The following CWC27 variants were observed in gnomAD, a reference collection of about 807,000 sequenced individuals.
CWC27 encodes CWC27 spliceosome associated cyclophilin, also known as spliceosome-associated protein CWC27 homolog.
CWC27 carries 47 observed loss-of-function variants against 63.6 expected under a neutral mutation model. The ratio of observed to expected loss-of-function variants is 0.74; its 90% CI spans 0.58 to 0.94. CWC27 has a LOEUF of 0.94. CWC27 is among the 40% of genes least tolerant of loss of function. The probability of loss-of-function intolerance (pLI) is 0.00; values close to 1 mark genes in which losing one functional copy is unlikely to be tolerated. For synonymous variants in CWC27, 175 were observed against 179.8 expected (o/e 0.97, Z 0.22); for missense variants, 495 against 554.3 (o/e 0.89, Z 1.07).
intron 11 of CWC27, among the ~76,000 whole-genome samples, chr5:64,959,257 C>CT (rs1237704357): frequency 6.6e-6 from 1 of 152,112 alleles, no homozygotes. Context: ...ACCTTAACAA[C>CT]TTTCAAGTAT....
intron 12 of CWC27, among the ~76,000 whole-genome samples, chr5:64,973,767 A>T (rs567962323): frequency 4.2e-4 from 64 of 152,308 alleles, no homozygotes; most frequent in Admixed American, 1.2e-3. Flanking sequence ...GTAGCTCATT[A>T]ATTGGCTTAA....
rs1301516057 is a variant in CWC27, at chr5:64,783,829, A to G, written c.253-7A>G. On this transcript the variant is annotated splice_polypyrimidine_tract_variant and splice_region_variant and intron_variant, in intron 3 of 13. Coordinates refer to ENST00000381070, the MANE Select transcript of CWC27 (RefSeq NM_005869.4). Reference sequence around the variant, plus strand: ...GAGGACATTCACTAAATCTTTTTACATTTCAGGATGAATTTCATTCACGGT... The same window carrying G: ...GAGGACATTCACTAAATCTTTTTACGTTTCAGGATGAATTTCATTCACGGT... 1 of 1,554,010 alleles carries G rather than the reference A, an allele frequency of 6.4e-7. No individual in the cohort carries two copies. Among genetic ancestry groups the G allele is most frequent in the Non-Finnish European group, 8.7e-7 (1 of 1,151,994 alleles).
rs1291061360 is a variant in CWC27, at chr5:64,912,088, AAAAG to A, written c.1042+26559_1042+26562del. Among the ~76,000 whole-genome samples, 326 of 127,824 alleles carry A rather than the reference AAAAG, an allele frequency of 2.6e-3. 1 individual carries two copies. Among genetic ancestry groups the A allele is most frequent in the South Asian group, 3.5e-3 (16 of 4,636 alleles). The allele number at this position is 127,824 out of a possible 152,430, so 83.9% of individuals were successfully genotyped here. A position where few individuals can be genotyped will look rare whatever the true frequency, so the allele number is the denominator to read the frequency against. On this transcript the variant is annotated intron_variant, in intron 11 of 13. Coordinates refer to ENST00000381070, the MANE Select transcript of CWC27 (RefSeq NM_005869.4). ...GACTCTGTCTCAAAAAAAAAAAAAA[AAAAG>A]AAAGAAAGAAAGAAAGTAGACAGAC... is the stretch of plus-strand genomic sequence containing the variant.
At chr5:64,800,971 T>A (rs540618820) in intron 8 of CWC27, among the ~76,000 whole-genome samples, 1 of 152,052 alleles carries the variant, frequency 6.6e-6, no homozygotes, top group South Asian at 2.1e-4. Flanking sequence ...GATTTGGGGG[T>A]TTTTTTAGTC....
At chr5:64,983,418 T>C (rs1749363430) in intron 13 of CWC27, among the ~76,000 whole-genome samples, 1 of 152,174 alleles carries the variant, frequency 6.6e-6, no homozygotes, top group Non-Finnish European at 1.5e-5. Context: ...GACAAACAAG[T>C]GTCTTAGTAT....
intron 6 of CWC27, among the ~76,000 whole-genome samples, chr5:64,787,600 AG>A (rs1324360860): frequency 6.6e-6 from 1 of 151,886 alleles, no homozygotes; most frequent in Admixed American, 6.6e-5. Context: ...TGTTTCATTC[AG>A]TATTCTGGTT....
intron 13 of CWC27, among the ~76,000 whole-genome samples, chr5:65,007,419 T>A (rs1749866828): frequency 6.6e-6 from 1 of 152,160 alleles, no homozygotes; most frequent in Non-Finnish European, 1.5e-5. Context: ...TCTACTTGGG[T>A]TGCTATAAAC....
intron 11 of CWC27, among the ~76,000 whole-genome samples, chr5:64,910,277 A>T (rs1251143109): frequency 3.9e-5 from 6 of 152,172 alleles, no homozygotes; most frequent in Admixed American, 3.9e-4. Flanking sequence ...AACAGCAAAT[A>T]TTGCAGCACA....
At chr5:64,815,824 G>A (rs1468736274) in intron 10 of CWC27, among the ~76,000 whole-genome samples, 1 of 152,134 alleles carries the variant, frequency 6.6e-6, no homozygotes, top group Non-Finnish European at 1.5e-5. Flanking sequence ...TAATTTCACA[G>A]ATGAATAACA....
intron 11 of CWC27, among the ~76,000 whole-genome samples, chr5:64,916,118 C>G (rs927904180): frequency 4.6e-5 from 7 of 152,158 alleles, no homozygotes; most frequent in Non-Finnish European, 1.0e-4. Context: ...GTTTAATATG[C>G]CCACTAAAGA....
At chr5:64,912,830 AT>A (rs1747818482) in intron 11 of CWC27, among the ~76,000 whole-genome samples, 1 of 152,150 alleles carries the variant, frequency 6.6e-6, no homozygotes, top group South Asian at 2.1e-4. Context: ...GAGAGCTCAA[AT>A]TCATAATTTA....
chr5:64,779,491 C>G (rs1743581684), intron 2 of CWC27, among the ~76,000 whole-genome samples: 1 of 152,160 alleles, frequency 6.6e-6, no homozygotes, highest in African/African-American at 2.4e-5. Context: ...AAATTTCTTT[C>G]CTTCCACCTA....
intron 10 of CWC27, among the ~76,000 whole-genome samples, chr5:64,830,708 A>G (rs1187341925): frequency 2.0e-5 from 3 of 152,132 alleles, no homozygotes; most frequent in African/African-American, 7.2e-5. Context: ...AGAATCTACA[A>G]AGAACTTAAA....
chr5:64,993,382 T>C (rs1749573261), intron 13 of CWC27, among the ~76,000 whole-genome samples: 1 of 152,204 alleles, frequency 6.6e-6, no homozygotes, highest in African/African-American at 2.4e-5. Context: ...TCAGTTATGT[T>C]ATCTATGACC....
chr5:64,848,360 C>A (rs1746043631), intron 10 of CWC27, among the ~76,000 whole-genome samples: 1 of 152,050 alleles, frequency 6.6e-6, no homozygotes. Flanking sequence ...AGATCTCCCA[C>A]CAAAGGAAAG....
intron 11 of CWC27, among the ~76,000 whole-genome samples, chr5:64,900,470 GA>G (rs1405711184): frequency 6.6e-6 from 1 of 152,018 alleles, no homozygotes; most frequent in Non-Finnish European, 1.5e-5. Flanking sequence ...TCCTTTATCA[GA>G]TATATGATTT....
intron 11 of CWC27, among the ~76,000 whole-genome samples, chr5:64,895,491 C>T (rs567240210): frequency 2.7e-4 from 41 of 152,212 alleles, no homozygotes; most frequent in African/African-American, 9.4e-4. Flanking sequence ...AAGCCTGATA[C>T]AAACAAACAT....
chr5:64,925,411 A>G (rs1318708532), intron 11 of CWC27, among the ~76,000 whole-genome samples: 1 of 152,078 alleles, frequency 6.6e-6, no homozygotes, highest in East Asian at 1.9e-4. Context: ...AGTCAAAGCA[A>G]CTCCTCATGT....
chr5:64,915,771 C>A (rs1462208043), intron 11 of CWC27, among the ~76,000 whole-genome samples: 1 of 152,078 alleles, frequency 6.6e-6, no homozygotes, highest in Admixed American at 6.6e-5. Flanking sequence ...ATAGTAGAAG[C>A]TTTACACGTA....
Sources: gnomAD v4.1 joint callset for allele counts (sites outside exome capture counted in the v4.1 genomes callset) on GRCh38, gnomAD v4.1.1 for gene constraint, MANE v1.5 for transcripts, NCBI Gene and HGNC (gene_info 2026-07-23, HGNC 2026-07-21) for gene names.